The following POLR3B variants were observed in gnomAD, a reference collection of about 807,000 sequenced individuals.
The protein encoded by POLR3B is DNA-directed RNA polymerase III subunit RPC2.
Under a neutral mutation model 147.4 loss-of-function variants are expected in POLR3B, and 96 were observed. That is an observed-to-expected ratio of 0.65 (90% CI 0.55 to 0.77). The LOEUF (loss-of-function observed/expected upper bound fraction) is 0.77, where lower values mean the gene tolerates loss of function less well. Among genes scored for constraint, POLR3B ranks in the 30% least tolerant of loss-of-function variants. POLR3B has a pLI of 0.00. For synonymous variants in POLR3B, 461 were observed against 485.9 expected, an observed-to-expected ratio of 0.95 and a Z score of 0.67; for missense variants, 1,036 against 1,413.5, an observed-to-expected ratio of 0.73 and a Z score of 4.28.
At chr12:106,460,517 T>C (rs1488618158) in intron 22 of POLR3B, among the ~76,000 whole-genome samples, 5 of 152,188 alleles carry the variant, frequency 3.3e-5, no homozygotes, top group African/African-American at 1.2e-4. Context: ...CAGCAAAGCA[T>C]TGTGGGTGCC....
At chr12:106,406,535 A>G (rs2037153093) in intron 11 of POLR3B, among the ~76,000 whole-genome samples, 1 of 152,202 alleles carries the variant, frequency 6.6e-6, no homozygotes, top group African/African-American at 2.4e-5. Context: ...TGTTTACTGG[A>G]TGAGTTCATC....
At chr12:106,368,842 A>G (rs1211858051) in intron 4 of POLR3B, among the ~76,000 whole-genome samples, 1 of 152,116 alleles carries the variant, frequency 6.6e-6, no homozygotes, top group Non-Finnish European at 1.5e-5. Flanking sequence ...TAGGTAACCA[A>G]TCTCATTAGT....
At chr12:106,495,864 A>G (rs2038472665) in intron 23 of POLR3B, 191 bp from the exon 24 acceptor site, 1 of 684,176 alleles carries the variant, frequency 1.5e-6, no homozygotes, top group Admixed American at 2.0e-5. Context: ...TGCCTTTCGC[A>G]AGGAGAGTCG....
chr12:106,476,853 C>T (rs2038178532), intron 23 of POLR3B, among the ~76,000 whole-genome samples: 1 of 152,124 alleles, frequency 6.6e-6, no homozygotes, highest in Admixed American at 6.5e-5. Flanking sequence ...CGTCTGAAGA[C>T]TTCTTCTCTC....
chr12:106,440,451 T>C (rs1200627554), intron 18 of POLR3B, among the ~76,000 whole-genome samples: 1 of 152,174 alleles, frequency 6.6e-6, no homozygotes, highest in African/African-American at 2.4e-5. Context: ...ACAGAAGCCT[T>C]CCAGTTCCTG....
At position 106,504,462 on chromosome 12, in the gene POLR3B, G is replaced by C. The variant is rs1343860226; in HGVS notation, c.3272+208G>C. Among the ~76,000 whole-genome samples the C allele has an allele frequency of 6.6e-6, 1 of 152,162 alleles. No individual in the cohort carries two copies. The highest frequency in any genetic ancestry group is 6.5e-5 in the Admixed American group (1 of 15,280). ...TCATGATCTACTTCCTACACAACTA[G>C]AGGCTAAGCTCCCAAGGAGTACAAA... On this transcript the variant is annotated intron_variant, in intron 27 of 27. Coordinates refer to ENST00000228347, the MANE Select transcript of POLR3B (RefSeq NM_018082.6). The surrounding 1 kb of genome is among the most constrained non-coding windows in gnomAD (Gnocchi z 4.6).
intron 19 of POLR3B, among the ~76,000 whole-genome samples, chr12:106,445,025 C>T (rs1307589050): frequency 2.0e-5 from 3 of 152,044 alleles, no homozygotes; most frequent in Non-Finnish European, 4.4e-5. Flanking sequence ...ATTGACAATC[C>T]CCAAACCCAT....
intron 9 of POLR3B, among the ~76,000 whole-genome samples, chr12:106,389,601 G>GT (rs111478237): frequency 0.4 from 58,706 of 147,774 alleles, 13,539 homozygotes; most frequent in African/African-American, 0.65. Context: ...AGGATTTCAG[G>GT]TTTTTTTTTT....
chr12:106,360,414 C>T (rs552317862), intron 1 of POLR3B, among the ~76,000 whole-genome samples: 1 of 152,184 alleles, frequency 6.6e-6, no homozygotes, highest in South Asian at 2.1e-4. Flanking sequence ...TCTTCTGGAT[C>T]GCTCTCCCCT....
intron 23 of POLR3B, among the ~76,000 whole-genome samples, chr12:106,479,064 T>C (rs1050851776): frequency 6.6e-6 from 1 of 152,156 alleles, no homozygotes; most frequent in Non-Finnish European, 1.5e-5. Context: ...TGAAATTTCA[T>C]AGGCTCTTCT....
intron 13 of POLR3B, among the ~76,000 whole-genome samples, chr12:106,427,621 A>C (rs2037456288): frequency 6.6e-6 from 1 of 152,218 alleles, no homozygotes; most frequent in African/African-American, 2.4e-5. Flanking sequence ...ACTGTTAATA[A>C]CCATTCTTTT....
chr12:106,502,846 C>T (rs1051467938), intron 26 of POLR3B, among the ~76,000 whole-genome samples: 2 of 152,190 alleles, frequency 1.3e-5, no homozygotes, highest in Admixed American at 6.5e-5. Flanking sequence ...ATTTCAGTTA[C>T]AACATCCAAA....
At chr12:106,426,655 C>G (rs2037440666) in intron 12 of POLR3B, among the ~76,000 whole-genome samples, 1 of 152,072 alleles carries the variant, frequency 6.6e-6, no homozygotes, top group Non-Finnish European at 1.5e-5. Flanking sequence ...GATTACTACA[C>G]ATGCTAAAGT....
At chr12:106,421,907 C>G (rs1342971807) in intron 12 of POLR3B, among the ~76,000 whole-genome samples, 1 of 152,024 alleles carries the variant, frequency 6.6e-6, no homozygotes, top group East Asian at 1.9e-4. Flanking sequence ...ACCATGTTGG[C>G]CAGGCTGGTC....
At chr12:106,496,209 G>A (rs745585149) in intron 24 of POLR3B, 51 bp downstream of exon 24, 7 of 1,129,624 alleles carry the variant, frequency 6.2e-6, no homozygotes, top group Non-Finnish European at 9.5e-6. Context: ...GAAGAAGCAG[G>A]CAGTTAGTTT....
intron 19 of POLR3B, among the ~76,000 whole-genome samples, chr12:106,450,045 A>G (rs2037776261): frequency 6.6e-6 from 1 of 152,218 alleles, no homozygotes; most frequent in South Asian, 2.1e-4. Context: ...GGGTAGACAT[A>G]TAGGTCAATG....
At chr12:106,445,475 T>C (rs894728110) in intron 19 of POLR3B, among the ~76,000 whole-genome samples, 4 of 152,074 alleles carry the variant, frequency 2.6e-5, no homozygotes, top group Non-Finnish European at 5.9e-5. Flanking sequence ...GTCTCAGTAC[T>C]TTAGTGTGGC....
intron 4 of POLR3B, among the ~76,000 whole-genome samples, chr12:106,367,110 T>TA (rs1386265516): frequency 6.6e-6 from 1 of 151,956 alleles, no homozygotes; most frequent in African/African-American, 2.4e-5. Context: ...CTCAAAAAAA[T>TA]AAAAAATGAA....
chr12:106,495,917 T>C (rs1315208234), intron 23 of POLR3B, 138 bp from the exon 24 acceptor site: 9 of 763,098 alleles, frequency 1.2e-5, no homozygotes, highest in African/African-American at 1.0e-4. Flanking sequence ...AAATCACTTT[T>C]GTTGCTCTTG....
Sources: allele counts gnomAD v4.1 joint callset (sites outside exome capture counted in the v4.1 genomes callset), GRCh38; gene constraint gnomAD v4.1.1; non-coding constraint Gnocchi (gnomAD v3.1); transcripts MANE v1.5; gene names NCBI Gene and HGNC (gene_info 2026-07-23, HGNC 2026-07-21).